Variants in KAT14 observed in about 807,000 individuals in gnomAD.
KAT14 encodes lysine acetyltransferase 14, also known as cysteine-rich protein 2-binding protein.
Under a neutral mutation model 78.4 loss-of-function variants are expected in KAT14, and 66 were observed. The observed-to-expected ratio is 0.84, with a 90% confidence interval of 0.69 to 1.03. The LOEUF is 1.03. Among genes scored for constraint, KAT14 ranks in the 50% least tolerant of loss-of-function variants. The pLI is 0.00. For missense variants in KAT14, 870 were observed against 972.5 expected (o/e 0.89, Z 1.40); for synonymous variants, 344 against 359.4 (o/e 0.96, Z 0.48).
intron 4 of KAT14, among the ~76,000 whole-genome samples, chr20:18,153,196 C>G (rs186777958): frequency 1.3e-5 from 2 of 152,270 alleles, no homozygotes; most frequent in Non-Finnish European, 2.9e-5. Context: ...GGAATCACAG[C>G]TTTGCTCATG....
At chr20:18,167,717 G>T (rs538569191) in intron 7 of KAT14, among the ~76,000 whole-genome samples, 5 of 152,118 alleles carry the variant, frequency 3.3e-5, no homozygotes, top group African/African-American at 1.2e-4. Flanking sequence ...CTATGTTTTG[G>T]TAATTGATGT....
At chr20:18,175,497 C>T (rs2039005275) in intron 7 of KAT14, among the ~76,000 whole-genome samples, 1 of 152,108 alleles carries the variant, frequency 6.6e-6, no homozygotes, top group African/African-American at 2.4e-5. Context: ...TACCCAGCCA[C>T]CTGTCGCCTC....
At chr20:18,187,033 T>C (rs1832636663) in intron 10 of KAT14, among the ~76,000 whole-genome samples, 2 of 152,242 alleles carry the variant, frequency 1.3e-5, no homozygotes, top group Admixed American at 6.5e-5. Context: ...ATATCCCCAT[T>C]GACCCTTTGC....
chr20:18,166,369 A>C (rs1443908500), intron 7 of KAT14, among the ~76,000 whole-genome samples: 1 of 152,220 alleles, frequency 6.6e-6, no homozygotes, highest in African/African-American at 2.4e-5. Flanking sequence ...GTTGCTTACA[A>C]AAGGTTTAAG....
intron 4 of KAT14, among the ~76,000 whole-genome samples, chr20:18,158,255 A>C (rs893329268): frequency 2.6e-5 from 4 of 152,216 alleles, no homozygotes; most frequent in Admixed American, 2.6e-4. Flanking sequence ...GCTTATGCCT[A>C]CTATAGCTGA....
chr20:18,159,878 T>C (rs895995632), intron 5 of KAT14, among the ~76,000 whole-genome samples: 1 of 152,218 alleles, frequency 6.6e-6, no homozygotes, highest in Non-Finnish European at 1.5e-5. Context: ...AAAAAGCTTT[T>C]AATGAGCTTT....
At chr20:18,183,047 A>AT (rs2039318635) in intron 8 of KAT14, 76 bp from the exon 9 acceptor site, 1 of 1,530,500 alleles carries the variant, frequency 6.5e-7, no homozygotes, top group African/African-American at 1.4e-5. Context: ...CAAAGAGTTT[A>AT]TATGAGTCAA....
intron 2 of KAT14, chr20:18,143,197 A>G: frequency 8.7e-7 from 1 of 1,148,842 alleles, no homozygotes; most frequent in Non-Finnish European, 1.1e-6. Context: ...AATTAGCCAT[A>G]TTTTTCTAAC....
Position 18,150,894 on chromosome 20 carries a change from A to C in KAT14, c.452A>C (p.Asp151Ala), listed in dbSNP as rs971872139. The stretch of plus-strand genomic sequence containing the variant: ...CAAGGTTATTTCAGGTGGAAAGAAG[A>C]TATCTGTGCTTTTATTGAGAAACAT... ...GRQGYFRWKEDICAFIEKHWT... is the reference protein window; with the variant it reads ...GRQGYFRWKEAICAFIEKHWT... Residue 151 changes from aspartate to alanine, a missense_variant, in exon 4 of 11, where the codon GAT becomes GCT. Physicochemically the swap from Asp to Ala is moderately radical, Grantham distance 126. Transcript: ENST00000688188. 6.2e-7 allele frequency: 1 copy of C among 1,614,232 alleles called. No individual in the cohort carries two copies. The highest frequency in any genetic ancestry group is 8.5e-7 in the Non-Finnish European group (1 of 1,180,042).
At chr20:18,144,615 C>T (rs957811401) in intron 2 of KAT14, among the ~76,000 whole-genome samples, 5 of 152,180 alleles carry the variant, frequency 3.3e-5, no homozygotes, top group Non-Finnish European at 7.3e-5. Flanking sequence ...CATTCCATTC[C>T]TTATGTGTCA....
intron 7 of KAT14, among the ~76,000 whole-genome samples, chr20:18,173,074 A>G (rs1281933251): frequency 6.6e-6 from 1 of 152,222 alleles, no homozygotes; most frequent in Non-Finnish European, 1.5e-5. Context: ...GGCTCTGATA[A>G]AAATAACTTC....
At chr20:18,172,863 G>A (rs948537639) in intron 7 of KAT14, among the ~76,000 whole-genome samples, 2 of 152,202 alleles carry the variant, frequency 1.3e-5, no homozygotes, top group Non-Finnish European at 2.9e-5. Context: ...TGTTGGAAAT[G>A]GGGGAGGTGT....
intron 3 of KAT14, among the ~76,000 whole-genome samples, chr20:18,148,620 T>G (rs2037918049): frequency 6.6e-6 from 1 of 151,830 alleles, no homozygotes; most frequent in South Asian, 2.1e-4. Context: ...TTTGTTTTTT[T>G]TTTTTTGAGA....
intron 7 of KAT14, among the ~76,000 whole-genome samples, chr20:18,163,299 CTG>C (rs1195801462): frequency 1.4e-4 from 22 of 152,024 alleles, no homozygotes; most frequent in East Asian, 1.9e-4. Flanking sequence ...GTCTCTGACA[CTG>C]TGTTGCAGAG....
In KAT14 at chr20:18,162,479, A is replaced by G. The variant is rs1183146631; in HGVS notation, c.1202A>G (p.Lys401Arg). ...VASGPVVGVR[K>R]KVRGPEQIKQ... ...TCTGGGCCAGTGGTTGGGGTCAGAAAGAAGGTCAGAGGCCCTGAACAGATA... is the reference window on the plus strand; with the variant it reads ...TCTGGGCCAGTGGTTGGGGTCAGAAGGAAGGTCAGAGGCCCTGAACAGATA... Residue 401 changes from lysine to arginine, a missense_variant, in exon 7 of 11, where the codon AAG becomes AGG. By Grantham distance (26) the Lys-to-Arg change is conservative (BLOSUM62 2). Coordinates refer to ENST00000688188, the MANE Select transcript of KAT14 (RefSeq NM_001392073.1). 2 of 1,614,116 alleles carry G rather than the reference A, an allele frequency of 1.2e-6. No homozygotes were observed. Among genetic ancestry groups the G allele is most frequent in the South Asian group, 1.1e-5 (1 of 91,086 alleles).
intron 4 of KAT14, among the ~76,000 whole-genome samples, chr20:18,151,254 T>C (rs1385816598): frequency 6.6e-6 from 1 of 152,092 alleles, no homozygotes; most frequent in African/African-American, 2.4e-5. Flanking sequence ...TAGAGTGCAG[T>C]GGCGTGATCT....
In KAT14 at chr20:18,163,738, G is replaced by A. The variant is rs148692402; in HGVS notation, c.1668+793G>A. Among the ~76,000 whole-genome samples the A allele has an allele frequency of 9.6e-3, 1,459 of 152,264 alleles. 13 individuals are homozygous for A. The highest frequency in any genetic ancestry group is 0.02 in the Middle Eastern group (6 of 294). ...TTCTGGTATTATTCAGTGATGTGCC[G>A]TATGTAGGGCTTATGTCTTTCCTTG... On this transcript the variant is annotated intron_variant, in intron 7 of 10. Coordinates refer to ENST00000688188, the MANE Select transcript of KAT14 (RefSeq NM_001392073.1).
chr20:18,174,317 T>C (rs1347712848), intron 7 of KAT14, among the ~76,000 whole-genome samples: 1 of 152,204 alleles, frequency 6.6e-6, no homozygotes, highest in Non-Finnish European at 1.5e-5. Flanking sequence ...TTTTTATTTC[T>C]CTGAGTGTAG....
Position 18,142,408 on chromosome 20 carries a change from G to C in KAT14, c.-253G>C. 6.6e-7 allele frequency: 1 copy of C among 1,510,536 alleles called. No individual in the cohort carries two copies. The highest frequency in any genetic ancestry group is 8.8e-7 in the Non-Finnish European group (1 of 1,132,626). 93.6% of individuals were successfully genotyped at this position (1,510,536 alleles called of 1,614,324 possible). A position where few individuals can be genotyped will look rare whatever the true frequency, so the allele number is the denominator to read the frequency against. ...AGACAACACGAGTTTGTGTGTGTGT[G>C]TTGATGGAGAGTAGCTTAGTAGTAT... On this transcript the variant is annotated 5_prime_UTR_variant, in exon 2 of 11. Transcript: ENST00000688188.
Sources: allele counts gnomAD v4.1 joint callset (sites outside exome capture counted in the v4.1 genomes callset), GRCh38; gene constraint gnomAD v4.1.1; transcripts MANE v1.5; gene names NCBI Gene and HGNC (gene_info 2026-07-23, HGNC 2026-07-21).